Variants in HMGCS1 observed in about 807,000 individuals in gnomAD.
The protein encoded by HMGCS1 is hydroxymethylglutaryl-CoA synthase, cytoplasmic.
A neutral mutation model predicts 52.3 loss-of-function variants in HMGCS1; 9 were observed. The ratio of observed to expected loss-of-function variants is 0.17; its 90% CI spans 0.10 to 0.30. HMGCS1 has a LOEUF of 0.30. Ranked by LOEUF, HMGCS1 falls within the 10% of genes least tolerant of loss-of-function variation. The pLI, the probability that HMGCS1 is intolerant of heterozygous loss-of-function variation, is 1.00. For synonymous variants in HMGCS1, 176 were observed against 214.4 expected, an observed-to-expected ratio of 0.82 and a Z score of 1.57; for missense variants, 320 against 620.9, an observed-to-expected ratio of 0.52 and a Z score of 5.15.
chr5:43,303,263 G>C (rs1395386970), intron 2 of HMGCS1, among the ~76,000 whole-genome samples: 1 of 152,238 alleles, frequency 6.6e-6, no homozygotes. Flanking sequence ...AACTCTCAAT[G>C]TGATGGCATT....
chr5:43,293,858 C>T (rs1753900888), intron 8 of HMGCS1, 198 bp downstream of exon 8: 1 of 468,968 alleles, frequency 2.1e-6, no homozygotes. Flanking sequence ...GGACTACAGG[C>T]ATGCACCACC....
Position 43,288,333 on chromosome 5 carries a change from G to C in HMGCS1, c.*2798C>G, listed in dbSNP as rs1753585821. The C allele has an allele frequency of 6.6e-6, 1 of 152,146 alleles. No individual in the cohort carries two copies. The highest frequency in any genetic ancestry group is 6.5e-5 in the Admixed American group (1 of 15,280). The allele number at this position is 152,146 out of a possible 1,614,324, so 9.4% of individuals were successfully genotyped here. On this transcript the variant is annotated 3_prime_UTR_variant, in exon 11 of 11. Coordinates refer to ENST00000325110, the MANE Select transcript of HMGCS1 (RefSeq NM_001098272.3). ...AAAATGAGGAACCTATGACTTAAGA[G>C]CAGTTGCTAGAAATTTTAAAGAAAG...
intron 1 of HMGCS1, among the ~76,000 whole-genome samples, chr5:43,308,172 T>C (rs1754671452): frequency 6.6e-6 from 1 of 152,174 alleles, no homozygotes; most frequent in Admixed American, 6.5e-5. Context: ...GGGAAAGGAA[T>C]ATAAACAAGT....
At chr5:43,294,557 A>G in intron 7 of HMGCS1, 134 bp downstream of exon 7, 1 of 589,432 alleles carries the variant, frequency 1.7e-6, no homozygotes, top group Non-Finnish European at 2.9e-6. Flanking sequence ...GTCAATGGAC[A>G]ATAGCAGATT....
In HMGCS1 at chr5:43,310,165, C is replaced by T. The variant is rs182043629; in HGVS notation, c.-69-2341G>A. On this transcript the variant is annotated intron_variant, in intron 1 of 10. Transcript: ENST00000325110. ...TAATGTTAAGAAAGACTTGCTCAAACCTGTACACTCTGGTATAGTTCTCCA... is the reference window on the plus strand; with the variant it reads ...TAATGTTAAGAAAGACTTGCTCAAATCTGTACACTCTGGTATAGTTCTCCA... Among the ~76,000 whole-genome samples, 226 of 152,336 alleles carry T rather than the reference C, an allele frequency of 1.5e-3. 1 individual carries two copies. The highest frequency in any genetic ancestry group is 2.0e-3 in the Non-Finnish European group (133 of 68,012).
chr5:43,298,718 G>A lies in HMGCS1; in HGVS notation c.248C>T (p.Ser83Phe). 1.2e-6 allele frequency: 2 copies of A among 1,614,196 alleles called. No homozygotes were observed. Among genetic ancestry groups the A allele is most frequent in the Non-Finnish European group, 1.7e-6 (2 of 1,180,036 alleles). The change falls in exon 3 of 11, where the codon TCC becomes TTC. Residue 83 changes from serine (S) to phenylalanine (F), a missense_variant. Transcript: ENST00000325110. This position sits in a 1 kb window ranked among gnomAD's most constrained non-coding sequence, Gnocchi z 5.6. ...VQNLMERNNL[S>F]YDCIGRLEVG... is the part of the protein sequence containing the mutation. The stretch of plus-strand genomic sequence containing the variant: ...TTCCAGCCGCCCAATGCAATCATAG[G>A]AAAGGTTATTTCTCTCCATAAGATT...
intron 1 of HMGCS1, among the ~76,000 whole-genome samples, chr5:43,312,032 C>T (rs1222502194): frequency 2.0e-5 from 3 of 152,204 alleles, no homozygotes; most frequent in African/African-American, 7.2e-5. Context: ...AAAATAACTG[C>T]AATTTTAAAA....
chr5:43,296,257 G>A (rs1383593115), intron 5 of HMGCS1, among the ~76,000 whole-genome samples: 1 of 151,756 alleles, frequency 6.6e-6, no homozygotes, highest in Non-Finnish European at 1.5e-5. Context: ...TTGCAGCAAG[G>A]GTAAGTAATG....
intron 2 of HMGCS1, among the ~76,000 whole-genome samples, chr5:43,305,250 T>G (rs1182208195): frequency 2.6e-5 from 4 of 152,062 alleles, no homozygotes; most frequent in Admixed American, 2.0e-4. Context: ...CCTCCCGAAG[T>G]GCTGGGATTA....
chr5:43,302,838 A>C (rs115997682), intron 2 of HMGCS1, among the ~76,000 whole-genome samples: 318 of 152,340 alleles, frequency 2.1e-3, no homozygotes, highest in African/African-American at 7.4e-3. Flanking sequence ...CTTGAAAGGA[A>C]TGCTACATCA....
intron 1 of HMGCS1, among the ~76,000 whole-genome samples, chr5:43,309,950 C>T (rs1754778211): frequency 1.3e-5 from 2 of 152,226 alleles, no homozygotes; most frequent in African/African-American, 4.8e-5. Context: ...CTGAATACTT[C>T]CTTCTGGCTC....
chr5:43,289,525 C>T lies in HMGCS1; in HGVS notation c.*1606G>A, dbSNP rs1412930262. The stretch of plus-strand genomic sequence containing the variant: ...AATGGACTTTGAGAAAACCCATTTC[C>T]TGGCACCCAAAAGTTAAATTACTCT... On this transcript the variant is annotated 3_prime_UTR_variant, in exon 11 of 11. Coordinates refer to ENST00000325110, the MANE Select transcript of HMGCS1 (RefSeq NM_001098272.3). The T allele has an allele frequency of 1.3e-5, 2 of 152,610 alleles. No homozygotes were observed. Among genetic ancestry groups the T allele is most frequent in the East Asian group, 3.8e-4 (2 of 5,202 alleles). The allele number at this position is 152,610 out of a possible 1,614,324, so 9.5% of individuals were successfully genotyped here.
intron 8 of HMGCS1, chr5:43,293,756 C>T (rs184973387): frequency 3.5e-5 from 7 of 201,682 alleles, no homozygotes; most frequent in African/African-American, 1.6e-4. Context: ...CTCTGTCACC[C>T]AGGCTGGAGC....
In HMGCS1 at chr5:43,291,244, A is replaced by G. The variant is rs763382290; in HGVS notation, c.1474-24T>C. 1.4e-5 allele frequency: 19 copies of G among 1,374,496 alleles called. No individual in the cohort carries two copies. The Admixed American group carries it at 2.7e-4, about 19-fold the overall frequency. The allele number at this position is 1,374,496 out of a possible 1,614,324, so 85.1% of individuals were successfully genotyped here. On this transcript the variant is annotated intron_variant, in intron 10 of 10. Coordinates refer to ENST00000325110, the MANE Select transcript of HMGCS1 (RefSeq NM_001098272.3). ...TGCTAAAATGAAAGGAAAAAAGTTG[A>G]TGGCTCTTATGATTCTTTCCCCCAC...
chr5:43,292,998 T>C (rs766491961), intron 8 of HMGCS1, 25 bp from the exon 9 acceptor site: 1 of 1,555,958 alleles, frequency 6.4e-7, no homozygotes. Context: ...AATTCAACAT[T>C]AAAAGATTTT....
intron 1 of HMGCS1, among the ~76,000 whole-genome samples, chr5:43,308,739 T>C (rs10941623): frequency 0.45 from 67,698 of 152,062 alleles, 15,910 homozygotes; most frequent in Middle Eastern, 0.61. Context: ...TACTGGCAAA[T>C]TTAGCATCTG....
chr5:43,292,381 C>CTTTCTATGAA, intron 10 of HMGCS1, 93 bp downstream of exon 10: 2 of 896,464 alleles, frequency 2.2e-6, no homozygotes, highest in Non-Finnish European at 3.5e-6. Flanking sequence ...TCCCAGAGCC[C>CTTTCTATGAA]TTACTCTTCT....
At chr5:43,296,514 T>C (rs1579642912) in intron 5 of HMGCS1, among the ~76,000 whole-genome samples, 1 of 152,328 alleles carries the variant, frequency 6.6e-6, no homozygotes. Context: ...TGTGTTATGA[T>C]AGCATTAACT....
intron 2 of HMGCS1, among the ~76,000 whole-genome samples, chr5:43,302,102 CA>C (rs1428485952): frequency 6.6e-6 from 1 of 152,194 alleles, no homozygotes; most frequent in African/African-American, 2.4e-5. Flanking sequence ...GTCATTTCAC[CA>C]ACATCTCCAT....
Sources: allele counts gnomAD v4.1 joint callset (sites outside exome capture counted in the v4.1 genomes callset), GRCh38; gene constraint gnomAD v4.1.1; non-coding constraint Gnocchi (gnomAD v3.1); transcripts MANE v1.5; gene names NCBI Gene and HGNC (gene_info 2026-07-23, HGNC 2026-07-21).